The following AUH variants were observed in gnomAD, a reference collection of about 807,000 sequenced individuals.
The protein encoded by AUH is methylglutaconyl-CoA hydratase, mitochondrial.
AUH carries 29 observed loss-of-function variants against 42.3 expected under a neutral mutation model. The ratio of observed to expected loss-of-function variants is 0.69; its 90% CI spans 0.51 to 0.93. The LOEUF (loss-of-function observed/expected upper bound fraction) is 0.93, where lower values mean the gene tolerates loss of function less well. Among genes scored for constraint, AUH ranks in the 40% least tolerant of loss-of-function variants. AUH has a pLI of 0.00. For synonymous variants in AUH, 174 were observed against 166.4 expected, an observed-to-expected ratio of 1.05 and a Z score of -0.35; for missense variants, 452 against 438.1, an observed-to-expected ratio of 1.03 and a Z score of -0.28.
intron 3 of AUH, among the ~76,000 whole-genome samples, chr9:91,346,587 CT>C (rs1831527795): frequency 6.6e-6 from 1 of 152,186 alleles, no homozygotes; most frequent in Non-Finnish European, 1.5e-5. Context: ...ATTATGACGT[CT>C]TTTTTTCTAA....
At position 91,325,424 on chromosome 9, in the gene AUH, CA is replaced by C; in HGVS notation, c.419-21del. ...CAGCACCTGCAAAGTATTTTATTTA[CA>C]AATATAATCTAGTTGTAAACAAAAT... On this transcript the variant is annotated intron_variant, in intron 3 of 9. Transcript: ENST00000375731. 6.2e-7 allele frequency: 1 copy of C among 1,604,140 alleles called. No individual in the cohort carries two copies. Among genetic ancestry groups the C allele is most frequent in the Non-Finnish European group, 8.5e-7 (1 of 1,171,258 alleles).
chr9:91,264,701 G>A (rs1331995075), intron 6 of AUH, among the ~76,000 whole-genome samples: 1 of 152,174 alleles, frequency 6.6e-6, no homozygotes, highest in African/African-American at 2.4e-5. Context: ...AAGACTGCTT[G>A]AGCCCAGGAG....
chr9:91,244,906 T>C (rs997446810), intron 6 of AUH, among the ~76,000 whole-genome samples: 10 of 152,240 alleles, frequency 6.6e-5, no homozygotes, highest in African/African-American at 2.4e-4. Context: ...AAGTAAGCCA[T>C]ACTGTCAGTA....
At chr9:91,350,481 G>A (rs529137409) in intron 3 of AUH, among the ~76,000 whole-genome samples, 20 of 152,268 alleles carry the variant, frequency 1.3e-4, no homozygotes, top group African/African-American at 3.4e-4. Context: ...GTAATGGGTC[G>A]GGCACAGTGG....
At chr9:91,218,876 C>T (rs917353047) in intron 7 of AUH, 3 of 985,444 alleles carry the variant, frequency 3.0e-6, no homozygotes, top group Non-Finnish European at 2.4e-6. Context: ...TTTGGTGACT[C>T]GTGCATGTAA....
intron 3 of AUH, among the ~76,000 whole-genome samples, chr9:91,342,486 A>C (rs1251692303): frequency 1.3e-5 from 2 of 152,194 alleles, no homozygotes; most frequent in African/African-American, 4.8e-5. Context: ...ATTTCTGAAC[A>C]GTGTCTGAAA....
intron 4 of AUH, among the ~76,000 whole-genome samples, chr9:91,311,872 A>G (rs1564089105): frequency 6.6e-6 from 1 of 152,232 alleles, no homozygotes; most frequent in Non-Finnish European, 1.5e-5. Flanking sequence ...TAATATTTCA[A>G]AATAATCAGT....
At chr9:91,217,101 G>GT (rs1564003114) in intron 8 of AUH, among the ~76,000 whole-genome samples, 176 bp downstream of exon 8, 1 of 152,148 alleles carries the variant, frequency 6.6e-6, no homozygotes, top group Non-Finnish European at 1.5e-5. Context: ...AGCAATAACT[G>GT]TAAGAATGAA....
chr9:91,286,827 CT>C (rs1354435955), intron 6 of AUH, among the ~76,000 whole-genome samples: 1 of 151,682 alleles, frequency 6.6e-6, no homozygotes, highest in Non-Finnish European at 1.5e-5. Flanking sequence ...AGTACACAAA[CT>C]TTAGACATGA....
At chr9:91,329,964 T>C (rs1055987159) in intron 3 of AUH, among the ~76,000 whole-genome samples, 3 of 152,196 alleles carry the variant, frequency 2.0e-5, no homozygotes, top group African/African-American at 7.2e-5. Context: ...TCCCTAACAC[T>C]TTTAAACACT....
intron 6 of AUH, among the ~76,000 whole-genome samples, chr9:91,228,977 T>C (rs1434544108): frequency 6.6e-6 from 1 of 152,132 alleles, no homozygotes; most frequent in Non-Finnish European, 1.5e-5. Context: ...CTTCCAAGAA[T>C]GTGGTCAATT....
intron 6 of AUH, among the ~76,000 whole-genome samples, chr9:91,287,844 T>C (rs1826538501): frequency 6.6e-6 from 1 of 152,066 alleles, no homozygotes; most frequent in African/African-American, 2.4e-5. Flanking sequence ...ATAGTGTTGA[T>C]TATGTAAGAG....
intron 3 of AUH, among the ~76,000 whole-genome samples, chr9:91,346,088 G>C (rs1207391851): frequency 1.3e-5 from 2 of 152,232 alleles, no homozygotes; most frequent in Admixed American, 1.3e-4. Flanking sequence ...CTGAGTGACA[G>C]AGTGTCTTTT....
chr9:91,355,266 G>A (rs1250634057), intron 3 of AUH, among the ~76,000 whole-genome samples: 1 of 152,204 alleles, frequency 6.6e-6, no homozygotes, highest in Non-Finnish European at 1.5e-5. Context: ...CCTTAAGAAT[G>A]AAACTAGGGG....
chr9:91,311,297 C>G (rs1828683410), intron 4 of AUH, among the ~76,000 whole-genome samples: 1 of 152,104 alleles, frequency 6.6e-6, no homozygotes, highest in South Asian at 2.1e-4. Flanking sequence ...TGTCAGCTGT[C>G]CCTTTTAACA....
intron 6 of AUH, among the ~76,000 whole-genome samples, chr9:91,254,238 A>C (rs966251031): frequency 2.0e-5 from 3 of 152,188 alleles, no homozygotes; most frequent in Non-Finnish European, 4.4e-5. Context: ...ACTTGGGGCT[A>C]AAATAAAGGT....
In AUH at chr9:91,322,512, T is replaced by C. The variant is rs79653111; in HGVS notation, c.505+2806A>G. ...ATAGACAGCTAAGCCAAAGACATTA[T>C]AGAAATCAAAACACGTATTTTTTAA... On this transcript the variant is annotated intron_variant, in intron 4 of 9. Transcript: ENST00000375731. Among the ~76,000 whole-genome samples, 1,434 of 152,244 alleles carry C rather than the reference T, an allele frequency of 9.4e-3. 26 individuals carry two copies. Among genetic ancestry groups the C allele is most frequent in the East Asian group, 0.048 (251 of 5,190 alleles).
intron 6 of AUH, among the ~76,000 whole-genome samples, chr9:91,231,607 T>C (rs149789599): frequency 1.6e-3 from 247 of 152,334 alleles, no homozygotes; most frequent in African/African-American, 5.7e-3. Context: ...ACTGATGACA[T>C]TAAGCAGTGG....
chr9:91,333,484 T>A (rs993238631), intron 3 of AUH, among the ~76,000 whole-genome samples: 4 of 152,216 alleles, frequency 2.6e-5, no homozygotes, highest in Non-Finnish European at 5.9e-5. Flanking sequence ...AGCAAAAATA[T>A]ATTTCAAATT....
Sources: allele counts gnomAD v4.1 joint callset (sites outside exome capture counted in the v4.1 genomes callset), GRCh38; gene constraint gnomAD v4.1.1; transcripts MANE v1.5; gene names NCBI Gene and HGNC (gene_info 2026-07-23, HGNC 2026-07-21).